The following ECT2L variants were observed in gnomAD, a reference collection of about 807,000 sequenced individuals.
ECT2L encodes epithelial cell-transforming sequence 2 oncogene-like.
Under a neutral mutation model 122.8 loss-of-function variants are expected in ECT2L, and 126 were observed. The ratio of observed to expected loss-of-function variants is 1.03; its 90% CI spans 0.89 to 1.19. The LOEUF (loss-of-function observed/expected upper bound fraction) is 1.19, where lower values mean the gene tolerates loss of function less well. Among genes scored for constraint, ECT2L ranks in the 50% most tolerant of loss-of-function variants. The pLI, the probability that ECT2L is intolerant of heterozygous loss-of-function variation, is 0.00. For synonymous variants in ECT2L, 385 were observed against 381.8 expected (o/e 1.01, Z -0.10); for missense variants, 1,012 against 1,064.1 (o/e 0.95, Z 0.68).
rs1339484253 is a variant in ECT2L, at chr6:138,902,888, T to A, written c.*261T>A. On this transcript the variant is annotated 3_prime_UTR_variant, in exon 22 of 22. Coordinates refer to ENST00000541398, the MANE Select transcript of ECT2L (RefSeq NM_001077706.3). ...ATTTCATGGATAATATTATTTAGAG[T>A]AATTTGATGTGATGAAACCTAAGAC... The A allele has an allele frequency of 2.7e-6, 1 of 373,090 alleles. No individual in the cohort carries two copies. The highest frequency in any genetic ancestry group is 4.9e-6 in the Non-Finnish European group (1 of 204,302). 23.1% of individuals were successfully genotyped at this position (373,090 alleles called of 1,614,324 possible). A position where few individuals can be genotyped will look rare whatever the true frequency, so the allele number is the denominator to read the frequency against.
intron 20 of ECT2L, 95 bp from the exon 21 acceptor site, chr6:138,900,853 C>A: frequency 7.6e-7 from 1 of 1,323,978 alleles, no homozygotes; most frequent in Non-Finnish European, 1.0e-6. Context: ...GGGGTAAAAG[C>A]CTTGACTAGT....
intron 9 of ECT2L, among the ~76,000 whole-genome samples, chr6:138,850,850 A>G (rs935134571): frequency 6.6e-6 from 1 of 151,828 alleles, no homozygotes; most frequent in Non-Finnish European, 1.5e-5. Context: ...AAAAACACAA[A>G]ATTAGCTGGG....
chr6:138,885,567 C>T lies in ECT2L; in HGVS notation c.2090C>T (p.Thr697Ile). 1 of 1,614,164 alleles carries T rather than the reference C, an allele frequency of 6.2e-7. No individual in the cohort carries two copies. Among genetic ancestry groups the T allele is most frequent in the East Asian group, 2.2e-5 (1 of 44,878 alleles). ...FLKRHDKTIV[T>I]KMLSLPELLL... ...AAGAGGCATGATAAGACCATTGTTA[C>T]CAAAATGCTGAGGTACGTTCTGAGG... Residue 697 changes from threonine (T) to isoleucine (I), a missense_variant, in exon 17 of 22, where the codon ACC (threonine) becomes ATC (isoleucine). By Grantham distance (89) the Thr-to-Ile change is moderately conservative. Coordinates refer to ENST00000541398, the MANE Select transcript of ECT2L (RefSeq NM_001077706.3).
intron 4 of ECT2L, 152 bp from the exon 5 acceptor site, chr6:138,838,200 C>A (rs937051149): frequency 1.2e-6 from 1 of 811,914 alleles, no homozygotes; most frequent in Non-Finnish European, 1.8e-6. Context: ...CGGCACCTGG[C>A]CTGAAAATTT....
intron 8 of ECT2L, among the ~76,000 whole-genome samples, chr6:138,846,973 A>AAC (rs544733274): frequency 3.5e-4 from 52 of 150,606 alleles, no homozygotes; most frequent in Admixed American, 2.9e-3. Flanking sequence ...ATAAAAAAAA[A>AAC]AAAAAAAAAA....
chr6:138,832,316 G>A (rs1051663409), intron 4 of ECT2L, among the ~76,000 whole-genome samples: 10 of 151,768 alleles, frequency 6.6e-5, no homozygotes, highest in African/African-American at 1.7e-4. Context: ...TGGAGATGAC[G>A]GATCCCTTGT....
At chr6:138,852,212 T>C (rs771604879) in intron 9 of ECT2L, among the ~76,000 whole-genome samples, 11 of 152,088 alleles carry the variant, frequency 7.2e-5, no homozygotes, top group Non-Finnish European at 1.6e-4. Flanking sequence ...TTGAAGTCAG[T>C]CATTGAGCCA....
chr6:138,893,850 T>C (rs1184902355), intron 20 of ECT2L, among the ~76,000 whole-genome samples: 4 of 152,298 alleles, frequency 2.6e-5, no homozygotes, highest in Non-Finnish European at 5.9e-5. Context: ...TCTCTAGTAA[T>C]TAAGCCAATA....
intron 14 of ECT2L, among the ~76,000 whole-genome samples, chr6:138,879,800 A>G (rs1778583791): frequency 6.6e-6 from 1 of 152,122 alleles, no homozygotes; most frequent in Non-Finnish European, 1.5e-5. Flanking sequence ...CAAAAACACA[A>G]AAATTAGCTG....
chr6:138,817,755 T>C (rs1583552490), intron 4 of ECT2L, among the ~76,000 whole-genome samples: 1 of 152,342 alleles, frequency 6.6e-6, no homozygotes, highest in East Asian at 1.9e-4. Context: ...AAGGTTTAGC[T>C]TCTTAAACCA....
intron 20 of ECT2L, among the ~76,000 whole-genome samples, chr6:138,890,534 A>G (rs1778988211): frequency 9.3e-6 from 1 of 107,972 alleles, no homozygotes; most frequent in South Asian, 3.8e-4. Flanking sequence ...CAGTAGCAAT[A>G]GAAAACAGCT....
At chr6:138,882,960 A>G in intron 16 of ECT2L, 89 bp downstream of exon 16, 3 of 1,392,184 alleles carry the variant, frequency 2.2e-6, no homozygotes. Flanking sequence ...TTAATAAGAA[A>G]GGCTTCTCTG....
Position 138,881,046 on chromosome 6 carries a change from G to A in ECT2L, c.1755G>A (p.Leu585=), listed in dbSNP as rs748696385. Residue 585 remains leucine, a synonymous_variant, in exon 15 of 22, where the codon CTG becomes CTA. Coordinates refer to ENST00000541398, the MANE Select transcript of ECT2L (RefSeq NM_001077706.3). ...LQSERKYVQI[L]EIVRDVYVAP... ...GTGAGAGAAAATACGTGCAGATACT[G>A]GAAATTGTGAGAGATGTTTATGTCG... The A allele has an allele frequency of 4.3e-6, 7 of 1,614,176 alleles. No homozygotes were observed. Among genetic ancestry groups the A allele is most frequent in the Non-Finnish European group, 5.9e-6 (7 of 1,180,028 alleles).
chr6:138,888,870 T>C (rs1778921478), intron 19 of ECT2L, 73 bp from the exon 20 acceptor site: 1 of 560,916 alleles, frequency 1.8e-6, no homozygotes, highest in African/African-American at 1.9e-5. Flanking sequence ...TTCTGAGATA[T>C]AAAATGGTTT....
chr6:138,884,123 C>T (rs1778732218), intron 16 of ECT2L, among the ~76,000 whole-genome samples: 2 of 152,152 alleles, frequency 1.3e-5, no homozygotes, highest in Admixed American at 1.3e-4. Context: ...AACTCTGTCT[C>T]CCAAAGTGCT....
intron 5 of ECT2L, among the ~76,000 whole-genome samples, chr6:138,840,984 T>G (rs1300498536): frequency 6.6e-6 from 1 of 152,204 alleles, no homozygotes; most frequent in African/African-American, 2.4e-5. Context: ...AGTCTGGATT[T>G]TCTTTGGACC....
In ECT2L at chr6:138,865,135, T is replaced by C. The variant is rs1172847784; in HGVS notation, c.1431T>C (p.Pro477=). The C allele has an allele frequency of 3.7e-6, 6 of 1,613,510 alleles. No individual in the cohort carries two copies. The highest frequency in any genetic ancestry group is 2.2e-5 in the East Asian group (1 of 44,880). The part of the protein sequence containing the change: ...TLKTVRKQLY[P]FFKELQKSIS... ...AAACAGTAAGGAAGCAGCTGTATCCTTTCTTCAAGGAACTGCAGAAGAGCA... is the reference window on the plus strand; with the variant it reads ...AAACAGTAAGGAAGCAGCTGTATCCCTTCTTCAAGGAACTGCAGAAGAGCA... Residue 477 remains proline, a synonymous_variant, in exon 12 of 22, where the codon CCT becomes CCC. Coordinates refer to ENST00000541398, the MANE Select transcript of ECT2L (RefSeq NM_001077706.3).
chr6:138,851,813 TAAATTTGATGA>T (rs1294754837), intron 9 of ECT2L, among the ~76,000 whole-genome samples: 1 of 152,252 alleles, frequency 6.6e-6, no homozygotes, highest in Non-Finnish European at 1.5e-5. Context: ...ACAAAAGTTT[TAAATTTGATGA>T]AAGTGCAGCA....
At chr6:138,809,067 G>A (rs1775805376) in intron 1 of ECT2L, among the ~76,000 whole-genome samples, 1 of 152,014 alleles carries the variant, frequency 6.6e-6, no homozygotes, top group Admixed American at 6.6e-5. Context: ...TATTTTATTG[G>A]TTTATCACGT....
Sources: allele counts gnomAD v4.1 joint callset (sites outside exome capture counted in the v4.1 genomes callset), GRCh38; gene constraint gnomAD v4.1.1; transcripts MANE v1.5; gene names NCBI Gene and HGNC (gene_info 2026-07-23, HGNC 2026-07-21).